Variants in NELL1 observed in about 807,000 individuals in gnomAD.
The protein encoded by NELL1 is neural EGFL like 1, also known as protein kinase C-binding protein NELL1.
NELL1 carries 76 observed loss-of-function variants against 107.4 expected under a neutral mutation model. That is an observed-to-expected ratio of 0.71 (90% CI 0.59 to 0.86). NELL1 has a LOEUF of 0.86. Among genes scored for constraint, NELL1 ranks in the 40% least tolerant of loss-of-function variants. The probability of loss-of-function intolerance (pLI) is 0.00; values close to 1 mark genes in which losing one functional copy is unlikely to be tolerated. For missense variants in NELL1, 1,024 were observed against 1,005.5 expected, an observed-to-expected ratio of 1.02 and a Z score of -0.25; for synonymous variants, 353 against 341.2, an observed-to-expected ratio of 1.03 and a Z score of -0.38.
chr11:20,812,853 A>G (rs1440260304), intron 3 of NELL1, among the ~76,000 whole-genome samples: 2 of 150,852 alleles, frequency 1.3e-5, no homozygotes, highest in Non-Finnish European at 3.0e-5. Flanking sequence ...CTAAAAATAC[A>G]AAAAATTAGC....
At chr11:20,755,404 C>T (rs932239869) in intron 2 of NELL1, among the ~76,000 whole-genome samples, 1 of 152,028 alleles carries the variant, frequency 6.6e-6, no homozygotes, top group Non-Finnish European at 1.5e-5. Flanking sequence ...TGGACTGTAA[C>T]CAGAAACCAA....
intron 5 of NELL1, among the ~76,000 whole-genome samples, chr11:20,896,087 C>G (rs1339271251): frequency 6.6e-6 from 1 of 152,036 alleles, no homozygotes; most frequent in Non-Finnish European, 1.5e-5. Context: ...ACTCATCACC[C>G]GAGTGGTGTA....
intron 16 of NELL1, among the ~76,000 whole-genome samples, chr11:21,540,840 A>G (rs932420342): frequency 2.0e-5 from 3 of 152,132 alleles, no homozygotes; most frequent in Non-Finnish European, 4.4e-5. Flanking sequence ...TCCAAACCAT[A>G]TCACTGGCTT....
rs117796995 is a variant in NELL1 at position 21,477,235 on chromosome 11, G to T, written c.1646-57139G>T. ...AGGAAAGGAGAGGGAAAGGTAAAGA[G>T]GACTTTGCCTTGTAATGTGGATACT... is the stretch of plus-strand genomic sequence containing the variant. On this transcript the variant is annotated intron_variant, in intron 15 of 19. Transcript: ENST00000357134. 3.9e-5 allele frequency among the ~76,000 whole-genome samples: 6 copies of T among 152,194 alleles called. No individual in the cohort carries two copies. In the East Asian group the frequency reaches 1.2e-3, roughly 30 times the overall value.
intron 5 of NELL1, among the ~76,000 whole-genome samples, chr11:20,886,861 A>C (rs1023808041): frequency 2.0e-5 from 3 of 152,204 alleles, no homozygotes; most frequent in Non-Finnish European, 2.9e-5. Flanking sequence ...AGTAAGATGT[A>C]ATTTACATAC....
At chr11:21,162,332 G>T (rs950472161) in intron 13 of NELL1, among the ~76,000 whole-genome samples, 2 of 152,100 alleles carry the variant, frequency 1.3e-5, no homozygotes, top group Non-Finnish European at 2.9e-5. Flanking sequence ...ATGTAAGTTG[G>T]GTGGAGAGAG....
At chr11:20,677,024 G>T (rs548482365) in intron 1 of NELL1, among the ~76,000 whole-genome samples, 1 of 152,206 alleles carries the variant, frequency 6.6e-6, no homozygotes, top group African/African-American at 2.4e-5. Context: ...CCCCATGGGT[G>T]AGAGGCATCT....
chr11:21,311,104 C>G (rs535574587), intron 14 of NELL1, among the ~76,000 whole-genome samples: 5 of 152,132 alleles, frequency 3.3e-5, no homozygotes, highest in African/African-American at 1.2e-4. Flanking sequence ...TCTGAAGCAG[C>G]TTATTGATGC....
chr11:21,507,391 A>C (rs74632293), intron 15 of NELL1, among the ~76,000 whole-genome samples: 26,898 of 152,226 alleles, frequency 0.18, 2,464 homozygotes, highest in East Asian at 0.28. Context: ...TCAGGTCTCA[A>C]CAGGATCCTA....
chr11:20,757,390 A>G (rs1306161174), intron 2 of NELL1, among the ~76,000 whole-genome samples: 2 of 152,048 alleles, frequency 1.3e-5, no homozygotes, highest in Admixed American at 1.3e-4. Flanking sequence ...AAATTCCACC[A>G]TCCATGCTCA....
At chr11:21,393,666 T>A (rs988180363) in intron 15 of NELL1, among the ~76,000 whole-genome samples, 2 of 151,742 alleles carry the variant, frequency 1.3e-5, no homozygotes, top group Non-Finnish European at 2.9e-5. Context: ...ATGTGCTTAT[T>A]TTCTAGTACA....
chr11:20,909,473 T>C (rs969939252), intron 5 of NELL1, among the ~76,000 whole-genome samples: 2 of 152,108 alleles, frequency 1.3e-5, no homozygotes, highest in Admixed American at 6.5e-5. Context: ...GACAGAAACA[T>C]AACAAGAACT....
intron 13 of NELL1, among the ~76,000 whole-genome samples, chr11:21,226,868 G>C (rs1857906427): frequency 6.6e-6 from 1 of 152,182 alleles, no homozygotes; most frequent in African/African-American, 2.4e-5. Flanking sequence ...GCCAGGCAAA[G>C]GCAGATAAAC....
chr11:20,755,541 T>A lies in NELL1; in HGVS notation c.185-28139T>A, dbSNP rs1428689366. On this transcript the variant is annotated intron_variant, in intron 2 of 19. Coordinates refer to ENST00000357134, the MANE Select transcript of NELL1 (RefSeq NM_006157.5). ...TAAAAAAGACCTGTGTGGGTTTTTG[T>A]TTTTTTTTGTTTTTGTTTTTGTTTT... Among the ~76,000 whole-genome samples, 51 of 13,484 alleles carry A rather than the reference T, an allele frequency of 3.8e-3. 2 individuals carry two copies. Among genetic ancestry groups the A allele is most frequent in the Middle Eastern group, 0.12 (1 of 8 alleles). The allele number at this position is 13,484 out of a possible 152,430, so 8.8% of individuals were successfully genotyped here.
At chr11:21,065,510 A>G (rs531893088) in intron 12 of NELL1, among the ~76,000 whole-genome samples, 5 of 152,286 alleles carry the variant, frequency 3.3e-5, no homozygotes, top group South Asian at 2.1e-4. Flanking sequence ...TGAAAAAAAG[A>G]CACAAAACAT....
intron 15 of NELL1, among the ~76,000 whole-genome samples, chr11:21,378,816 C>A (rs968776608): frequency 6.7e-6 from 1 of 150,286 alleles, no homozygotes; most frequent in Admixed American, 6.7e-5. Context: ...CTCCTGGGTT[C>A]AAGCGATTCT....
Position 20,937,772 on chromosome 11 carries a change from A to G in NELL1, c.998-14A>G, listed in dbSNP as rs748111769. On this transcript the variant is annotated splice_polypyrimidine_tract_variant and intron_variant, in intron 9 of 19. Transcript: ENST00000357134. ...CAGCAGGACTGTCTGACCCATTTTT[A>G]TGTTTTATTACAGCAAAATGTATCT... The G allele has an allele frequency of 1.2e-6, 2 of 1,610,994 alleles. No individual in the cohort carries two copies. The highest frequency in any genetic ancestry group is 1.7e-6 in the Non-Finnish European group (2 of 1,177,342).
intron 13 of NELL1, among the ~76,000 whole-genome samples, chr11:21,199,433 T>C (rs12576903): frequency 6.6e-6 from 1 of 152,188 alleles, no homozygotes; most frequent in Non-Finnish European, 1.5e-5. Flanking sequence ...ATCAGATGTT[T>C]GAGGCAGCAA....
chr11:21,160,420 A>G (rs1417187337), intron 13 of NELL1, among the ~76,000 whole-genome samples: 2 of 152,196 alleles, frequency 1.3e-5, no homozygotes, highest in Admixed American at 6.5e-5. Context: ...CAGAATAGAA[A>G]GGAGTTTTTA....
Sources: allele counts gnomAD v4.1 joint callset (sites outside exome capture counted in the v4.1 genomes callset), GRCh38; gene constraint gnomAD v4.1.1; transcripts MANE v1.5; gene names NCBI Gene and HGNC (gene_info 2026-07-23, HGNC 2026-07-21).